Variants in RSRC1 observed in about 807,000 individuals in gnomAD.
The protein encoded by RSRC1 is arginine and serine rich coiled-coil 1, also known as serine/Arginine-related protein 53.
Under a neutral mutation model 49.1 loss-of-function variants are expected in RSRC1, and 39 were observed. That is an observed-to-expected ratio of 0.79 (90% CI 0.61 to 1.04). The LOEUF (loss-of-function observed/expected upper bound fraction) is 1.04. Ranked by LOEUF, RSRC1 falls within the 50% of genes least tolerant of loss-of-function variation. RSRC1 has a pLI of 0.00. For synonymous variants in RSRC1, 143 were observed against 130.8 expected, an observed-to-expected ratio of 1.09 and a Z score of -0.63; for missense variants, 388 against 402.4, an observed-to-expected ratio of 0.96 and a Z score of 0.31.
At chr3:158,506,606 A>T (rs1295727281) in intron 7 of RSRC1, among the ~76,000 whole-genome samples, 5 of 151,834 alleles carry the variant, frequency 3.3e-5, no homozygotes, top group Admixed American at 6.6e-5. Context: ...GGAAGTGCAA[A>T]TTAAAACCAC....
rs1021241152 is a variant in RSRC1, at chr3:158,539,139, A to G, written c.759+1941A>G. Among the ~76,000 whole-genome samples, 3 of 151,922 alleles carry G rather than the reference A, an allele frequency of 2.0e-5. No homozygotes were observed. Among genetic ancestry groups the G allele is most frequent in the Non-Finnish European group, 4.4e-5 (3 of 67,898 alleles). On this transcript the variant is annotated intron_variant, in intron 8 of 9. Coordinates refer to ENST00000611884, the MANE Select transcript of RSRC1 (RefSeq NM_001271838.2). This position sits in a 1 kb window ranked among gnomAD's most constrained non-coding sequence, Gnocchi z 4.1. ...TCTCTTGAGGACTGAGTTACCCATG[A>G]TCCTAGTTTCAACATATTTTTCTCC...
intron 4 of RSRC1, among the ~76,000 whole-genome samples, chr3:158,244,403 G>A (rs749505105): frequency 3.9e-5 from 6 of 152,092 alleles, no homozygotes; most frequent in Non-Finnish European, 7.4e-5. Flanking sequence ...CTTTAGTTCT[G>A]CATATGTGAT....
Position 158,245,929 on chromosome 3 carries a change from A to C in RSRC1, c.494+42684A>C, listed in dbSNP as rs1198444997. 4.6e-5 allele frequency among the ~76,000 whole-genome samples: 7 copies of C among 151,908 alleles called. No individual in the cohort carries two copies. In the South Asian group the frequency reaches 1.0e-3, roughly 23 times the overall value. ...TTGGTAAATTTTCCTCCATGCCTTT[A>C]TTTTGAGCCTGTAATGAGTCTTTTA... is the stretch of plus-strand genomic sequence containing the variant. On this transcript the variant is annotated intron_variant, in intron 4 of 9. Coordinates refer to ENST00000611884, the MANE Select transcript of RSRC1 (RefSeq NM_001271838.2).
At chr3:158,285,139 A>G (rs1427080289) in intron 4 of RSRC1, among the ~76,000 whole-genome samples, 1 of 152,166 alleles carries the variant, frequency 6.6e-6, no homozygotes, top group Non-Finnish European at 1.5e-5. Flanking sequence ...AGCACCATTT[A>G]TTAAATAGGG....
chr3:158,520,587 T>C (rs1279844534), intron 7 of RSRC1, among the ~76,000 whole-genome samples: 1 of 152,172 alleles, frequency 6.6e-6, no homozygotes, highest in East Asian at 1.9e-4. Flanking sequence ...GAATTGTTTT[T>C]ACTGTCTGCC....
At chr3:158,336,929 C>T (rs965592527) in intron 5 of RSRC1, among the ~76,000 whole-genome samples, 1 of 152,136 alleles carries the variant, frequency 6.6e-6, no homozygotes, top group Admixed American at 6.5e-5. Flanking sequence ...GGCCCTTGAC[C>T]AGGATGCTTA....
intron 6 of RSRC1, among the ~76,000 whole-genome samples, chr3:158,426,028 G>A (rs1299778580): frequency 2.0e-5 from 3 of 151,482 alleles, no homozygotes; most frequent in Admixed American, 6.6e-5. Flanking sequence ...TATAAGTGAG[G>A]GAAGATGGAT....
At chr3:158,502,852 T>C (rs1256942094) in intron 7 of RSRC1, among the ~76,000 whole-genome samples, 1 of 152,216 alleles carries the variant, frequency 6.6e-6, no homozygotes, top group East Asian at 1.9e-4. Context: ...TCCTGAATTC[T>C]TGTTAAGGTA....
intron 6 of RSRC1, among the ~76,000 whole-genome samples, chr3:158,387,796 C>T (rs979109626): frequency 6.6e-5 from 10 of 152,016 alleles, no homozygotes; most frequent in African/African-American, 2.4e-4. Context: ...AAAACGTTTG[C>T]TTTAAAAAGA....
intron 6 of RSRC1, among the ~76,000 whole-genome samples, chr3:158,411,486 CA>C (rs1560030522): frequency 6.6e-6 from 1 of 151,028 alleles, no homozygotes; most frequent in African/African-American, 2.4e-5. Context: ...TTATGTTAGC[CA>C]AACTTATATC....
intron 4 of RSRC1, among the ~76,000 whole-genome samples, chr3:158,228,022 AT>A (rs761841803): frequency 6.6e-6 from 1 of 151,994 alleles, no homozygotes; most frequent in South Asian, 2.1e-4. Context: ...AGTTAAATAG[AT>A]TTTTTTATCA....
At chr3:158,410,596 G>A (rs1734408681) in intron 6 of RSRC1, among the ~76,000 whole-genome samples, 4 of 152,072 alleles carry the variant, frequency 2.6e-5, no homozygotes, top group Non-Finnish European at 5.9e-5. Flanking sequence ...TCAACACCTA[G>A]CATAGTTCCT....
chr3:158,169,841 G>A lies in RSRC1; in HGVS notation c.321-33231G>A, dbSNP rs1212373874. Among the ~76,000 whole-genome samples, 4 of 152,232 alleles carry A rather than the reference G, an allele frequency of 2.6e-5. No individual in the cohort carries two copies. In the East Asian group the frequency reaches 5.8e-4, roughly 22 times the overall value. On this transcript the variant is annotated intron_variant, in intron 3 of 9. Coordinates refer to ENST00000611884, the MANE Select transcript of RSRC1 (RefSeq NM_001271838.2). ...TGTACTACAGTGGCTACATAAAATA[G>A]TTGCTCACCAGGTACTTGTCAGAGA...
At chr3:158,126,738 CCT>C (rs750100124) in intron 3 of RSRC1, among the ~76,000 whole-genome samples, 2 of 152,038 alleles carry the variant, frequency 1.3e-5, no homozygotes, top group Non-Finnish European at 2.9e-5. Context: ...TTGCAGGACT[CCT>C]CTTAGTATTT....
At chr3:158,527,954 T>C (rs1696902780) in intron 7 of RSRC1, among the ~76,000 whole-genome samples, 1 of 151,982 alleles carries the variant, frequency 6.6e-6, no homozygotes, top group Non-Finnish European at 1.5e-5. Flanking sequence ...TGAGATTTTT[T>C]ATATTAATGT....
chr3:158,396,823 A>G (rs1306827184), intron 6 of RSRC1, among the ~76,000 whole-genome samples: 1 of 152,200 alleles, frequency 6.6e-6, no homozygotes, highest in Non-Finnish European at 1.5e-5. Context: ...AATAATGGCT[A>G]AGATTTACTG....
In RSRC1 at chr3:158,374,311, A is replaced by G. The variant is rs1024991041; in HGVS notation, c.583+19403A>G. On this transcript the variant is annotated intron_variant, in intron 6 of 9. Coordinates refer to ENST00000611884, the MANE Select transcript of RSRC1 (RefSeq NM_001271838.2). The stretch of plus-strand genomic sequence containing the variant: ...GACTTTTCATATAGGACTATGACAT[A>G]ATTTAGAATTTGAGCTAGATAAATT... Among the ~76,000 whole-genome samples the G allele has an allele frequency of 1.3e-5, 2 of 152,138 alleles. 1 individual carries two copies. The highest frequency in any genetic ancestry group is 4.1e-4 in the South Asian group (2 of 4,836).
chr3:158,128,109 T>C (rs1354229221), intron 3 of RSRC1, among the ~76,000 whole-genome samples: 1 of 152,212 alleles, frequency 6.6e-6, no homozygotes, highest in Non-Finnish European at 1.5e-5. Flanking sequence ...CTTTTGCTTT[T>C]GTTGGCACCC....
chr3:158,334,491 T>A (rs1032904112), intron 5 of RSRC1, among the ~76,000 whole-genome samples: 1 of 152,044 alleles, frequency 6.6e-6, no homozygotes, highest in African/African-American at 2.4e-5. Flanking sequence ...GAGAATTTTT[T>A]TTTTTTTTTT....
Sources: allele counts gnomAD v4.1 joint callset (sites outside exome capture counted in the v4.1 genomes callset), GRCh38; gene constraint gnomAD v4.1.1; non-coding constraint Gnocchi (gnomAD v3.1); transcripts MANE v1.5; gene names NCBI Gene and HGNC (gene_info 2026-07-23, HGNC 2026-07-21).